CREB5: variants seen among roughly 807,000 people sequenced by gnomAD.
CREB5 encodes cyclic AMP-responsive element-binding protein 5.
In CREB5, 19 loss-of-function variants were observed where a neutral mutation model predicts 57.1. The observed-to-expected ratio is 0.33, with a 90% CI of 0.23 to 0.49. The LOEUF is 0.49. Ranked by LOEUF, CREB5 falls within the 20% of genes least tolerant of loss-of-function variation. The pLI is 0.99. For synonymous variants in CREB5, 238 were observed against 238.3 expected (o/e 1.00, Z 0.01); for missense variants, 579 against 671.6 (o/e 0.86, Z 1.52).
At chr7:28,717,070 G>T (rs934715227) in intron 5 of CREB5, among the ~76,000 whole-genome samples, 3 of 149,988 alleles carry the variant, frequency 2.0e-5, no homozygotes, top group East Asian at 2.0e-4. Flanking sequence ...TAATCTCTGC[G>T]GAAAGGCTTT....
At chr7:28,758,798 C>T (rs549797819) in intron 7 of CREB5, among the ~76,000 whole-genome samples, 15 of 152,266 alleles carry the variant, frequency 9.9e-5, no homozygotes, top group Admixed American at 8.5e-4. Context: ...ATGGAGTCCT[C>T]TAGGAGAAAT....
intron 1 of CREB5, among the ~76,000 whole-genome samples, chr7:28,358,476 A>C (rs1388950963): frequency 6.6e-6 from 1 of 152,248 alleles, no homozygotes; most frequent in Non-Finnish European, 1.5e-5. Flanking sequence ...ACTGTTGGTC[A>C]CCACTTATTA....
At chr7:28,375,536 TA>T (rs899076919) in intron 1 of CREB5, among the ~76,000 whole-genome samples, 13 of 152,142 alleles carry the variant, frequency 8.5e-5, no homozygotes, top group African/African-American at 3.1e-4. Context: ...ACACAAAGGA[TA>T]AATGCTTGAG....
At position 28,477,500 on chromosome 7, in the gene CREB5, C is replaced by T. The variant is rs112684211; in HGVS notation, c.4-10675C>T. On this transcript the variant is annotated intron_variant, in intron 1 of 10. Coordinates refer to ENST00000357727, the MANE Select transcript of CREB5 (RefSeq NM_182898.4). Reference sequence around the variant, plus strand: ...TCACAGGGGCATTTAAAGAAATCCTCTTTCCCTTTTCATACTGATTTGAAG... The same window carrying T: ...TCACAGGGGCATTTAAAGAAATCCTTTTTCCCTTTTCATACTGATTTGAAG... 7.4e-3 allele frequency among the ~76,000 whole-genome samples: 1,128 copies of T among 152,358 alleles called. 8 individuals are homozygous for T. The highest frequency in any genetic ancestry group is 0.013 in the Non-Finnish European group (853 of 68,030).
At chr7:28,794,738 G>GCA (rs150983811) in intron 7 of CREB5, among the ~76,000 whole-genome samples, 2,913 of 149,286 alleles carry the variant, frequency 0.02, 48 homozygotes, top group African/African-American at 0.043. Flanking sequence ...GTGCATACCT[G>GCA]CACACACACA....
chr7:28,363,955 A>G (rs1162890276), intron 1 of CREB5, among the ~76,000 whole-genome samples: 2 of 152,218 alleles, frequency 1.3e-5, no homozygotes, highest in Non-Finnish European at 2.9e-5. Flanking sequence ...TTAACCCCAT[A>G]TTTACAAGAG....
intron 5 of CREB5, among the ~76,000 whole-genome samples, chr7:28,682,609 T>C (rs559650078): frequency 1.3e-5 from 2 of 151,396 alleles, no homozygotes; most frequent in South Asian, 4.2e-4. Flanking sequence ...AAATCTTGGG[T>C]TAAATTTTAA....
intron 1 of CREB5, among the ~76,000 whole-genome samples, chr7:28,384,104 A>G (rs547914583): frequency 6.6e-6 from 1 of 152,108 alleles, no homozygotes. Context: ...CTGAGTGCTT[A>G]TTAGATCGGA....
At chr7:28,311,583 T>C (rs2127981627) in intron 1 of CREB5, among the ~76,000 whole-genome samples, 1 of 152,340 alleles carries the variant, frequency 6.6e-6, no homozygotes, top group South Asian at 2.1e-4. Flanking sequence ...GTGTAGCCAC[T>C]GATGTTCTTA....
intron 8 of CREB5, 77 bp downstream of exon 8, chr7:28,804,599 G>A: frequency 3.9e-6 from 6 of 1,528,548 alleles, no homozygotes; most frequent in South Asian, 1.2e-5. Flanking sequence ...GGGGTCATTT[G>A]CAGCAATCTT....
At chr7:28,481,139 G>C (rs1451692963) in intron 1 of CREB5, among the ~76,000 whole-genome samples, 2 of 152,216 alleles carry the variant, frequency 1.3e-5, no homozygotes. Flanking sequence ...CCCCCTCTGG[G>C]AAGTAAGACC....
At chr7:28,455,489 C>G (rs6462087) in intron 1 of CREB5, among the ~76,000 whole-genome samples, 15,947 of 152,168 alleles carry the variant, frequency 0.1, 2,800 homozygotes, top group African/African-American at 0.36. Context: ...ACTAGCTATT[C>G]GAACAAAAAT....
rs143890286 is a variant in CREB5 at position 28,645,069 on chromosome 7, C to T, written c.465-73684C>T. ...AATGTCCAGATCAAGTTCTGCTCTACCCTGATTGCAGCCCCCCAACCCTTG... is the reference window on the plus strand; with the variant it reads ...AATGTCCAGATCAAGTTCTGCTCTATCCTGATTGCAGCCCCCCAACCCTTG... On this transcript the variant is annotated intron_variant, in intron 5 of 10. Coordinates refer to ENST00000357727, the MANE Select transcript of CREB5 (RefSeq NM_182898.4). 1.0e-2 allele frequency among the ~76,000 whole-genome samples: 1,517 copies of T among 152,260 alleles called. 13 individuals are homozygous for T. The highest frequency in any genetic ancestry group is 0.017 in the Non-Finnish European group (1,133 of 68,030).
Position 28,326,207 on chromosome 7 carries a change from AT to A in CREB5, c.-25+26767del, listed in dbSNP as rs1562657925. On this transcript the variant is annotated intron_variant, in intron 1 of 9. Coordinates refer to the CREB5 transcript ENST00000396299. ...TATCTATCTATCTATCTATCTATCT[AT>A]CTACCTATCTATCTTGAAAAACATG... Among the ~76,000 whole-genome samples, 13 of 121,766 alleles carry A rather than the reference AT, an allele frequency of 1.1e-4. No homozygotes were observed. The Middle Eastern group carries it at 0.015, about 136-fold the overall frequency. 79.9% of individuals were successfully genotyped at this position (121,766 alleles called of 152,430 possible).
intron 5 of CREB5, among the ~76,000 whole-genome samples, chr7:28,654,441 A>C (rs1799258155): frequency 6.6e-6 from 1 of 152,228 alleles, no homozygotes; most frequent in South Asian, 2.1e-4. Context: ...GATGTATTAC[A>C]TATTGTGGAG....
chr7:28,634,269 A>G (rs534035873), intron 5 of CREB5, among the ~76,000 whole-genome samples: 16 of 152,304 alleles, frequency 1.1e-4, no homozygotes, highest in African/African-American at 3.8e-4. Flanking sequence ...ATTTTCACCC[A>G]GAGCTTCAAT....
intron 1 of CREB5, among the ~76,000 whole-genome samples, chr7:28,432,090 G>A (rs563663738): frequency 3.3e-5 from 5 of 151,274 alleles, no homozygotes; most frequent in South Asian, 2.1e-4. Context: ...ACCAAAAGCC[G>A]TGTTTGGGCA....
intron 1 of CREB5, among the ~76,000 whole-genome samples, chr7:28,380,203 CT>C (rs1786940053): frequency 6.6e-6 from 1 of 152,182 alleles, no homozygotes; most frequent in African/African-American, 2.4e-5. Flanking sequence ...AGTGAAAGTT[CT>C]CTACAGCCAT....
intron 5 of CREB5, among the ~76,000 whole-genome samples, chr7:28,612,546 GTGTGTGTGT>G (rs1562527198): frequency 8.9e-5 from 4 of 44,820 alleles, no homozygotes; most frequent in African/African-American, 5.5e-4. Context: ...GAGAAGGGGT[GTGTGTGTGT>G]GTGTGTGTGT....
Sources: gnomAD v4.1 joint callset for allele counts (sites outside exome capture counted in the v4.1 genomes callset) on GRCh38, gnomAD v4.1.1 for gene constraint, MANE v1.5 for transcripts, NCBI Gene and HGNC (gene_info 2026-07-23, HGNC 2026-07-21) for gene names.